RALGAPA1: variants seen among roughly 807,000 people sequenced by gnomAD.
The protein encoded by RALGAPA1 is Ral GTPase activating protein catalytic subunit alpha 1, also known as ral GTPase-activating protein subunit alpha-1.
Under a neutral mutation model 269.6 loss-of-function variants are expected in RALGAPA1, and 52 were observed. That is an observed-to-expected ratio of 0.19 (90% CI 0.15 to 0.24). The LOEUF is 0.24. Ranked by LOEUF, RALGAPA1 falls within the 10% of genes least tolerant of loss-of-function variation. The pLI, the probability that RALGAPA1 is intolerant of heterozygous loss-of-function variation, is 1.00. For missense variants in RALGAPA1, 1,917 were observed against 3,013.9 expected, an observed-to-expected ratio of 0.64 and a Z score of 8.52; for synonymous variants, 817 against 1,008.3, an observed-to-expected ratio of 0.81 and a Z score of 3.60.
chr14:35,764,507 G>A (rs1424532789), intron 4 of RALGAPA1, among the ~76,000 whole-genome samples: 2 of 151,814 alleles, frequency 1.3e-5, no homozygotes, highest in Non-Finnish European at 2.9e-5. Context: ...GTGGGGAGGT[G>A]GTATCTTCTG....
intron 26 of RALGAPA1, 101 bp from the exon 27 acceptor site, chr14:35,664,868 C>G (rs1469672389): frequency 1.8e-5 from 18 of 1,025,206 alleles, no homozygotes; most frequent in Non-Finnish European, 2.3e-5. Flanking sequence ...GGAAGTGATA[C>G]ATAAAACAAA....
intron 16 of RALGAPA1, among the ~76,000 whole-genome samples, chr14:35,710,716 A>G (rs2068250591): frequency 1.3e-5 from 2 of 152,190 alleles, no homozygotes; most frequent in Non-Finnish European, 2.9e-5. Context: ...TTTTTACTGT[A>G]GATTTTACAT....
At chr14:35,620,675 A>G (rs951021755) in intron 35 of RALGAPA1, among the ~76,000 whole-genome samples, 2 of 152,254 alleles carry the variant, frequency 1.3e-5, no homozygotes, top group Non-Finnish European at 2.9e-5. Context: ...CTCAGGATAC[A>G]AAATCAATGT....
intron 35 of RALGAPA1, among the ~76,000 whole-genome samples, chr14:35,609,492 T>C (rs1490133073): frequency 6.6e-6 from 1 of 151,960 alleles, no homozygotes; most frequent in Non-Finnish European, 1.5e-5. Context: ...TGAATGAAAA[T>C]ATGGCCTGTA....
At chr14:35,677,654 G>A (rs554224591) in intron 22 of RALGAPA1, 2 of 290,288 alleles carry the variant, frequency 6.9e-6, no homozygotes, top group East Asian at 2.5e-4. Flanking sequence ...GCCAAATTAT[G>A]TATTTCCTGT....
intron 39 of RALGAPA1, among the ~76,000 whole-genome samples, chr14:35,555,276 T>C (rs942050666): frequency 2.6e-5 from 4 of 152,216 alleles, no homozygotes; most frequent in Non-Finnish European, 5.9e-5. Context: ...AGCATTGAAA[T>C]AAACATTTCC....
chr14:35,645,329 TAGCAGATATAG>T (rs2062334956), intron 31 of RALGAPA1, among the ~76,000 whole-genome samples: 1 of 142,414 alleles, frequency 7.0e-6, no homozygotes, highest in Non-Finnish European at 1.5e-5. Context: ...ATTCAGTCTA[TAGCAGATATAG>T]AGATGGGTGT....
intron 39 of RALGAPA1, among the ~76,000 whole-genome samples, chr14:35,550,703 T>G (rs1392192492): frequency 2.0e-5 from 3 of 152,172 alleles, no homozygotes; most frequent in Non-Finnish European, 4.4e-5. Flanking sequence ...ATATTACAAT[T>G]TATCTGCTTC....
intron 9 of RALGAPA1, 108 bp from the exon 10 acceptor site, chr14:35,748,932 G>C: frequency 7.1e-7 from 1 of 1,404,090 alleles, no homozygotes; most frequent in East Asian, 2.6e-5. Flanking sequence ...CATTTCCCAA[G>C]TAATTTATAC....
chr14:35,583,113 G>A (rs2058056626), intron 37 of RALGAPA1, among the ~76,000 whole-genome samples: 1 of 152,172 alleles, frequency 6.6e-6, no homozygotes, highest in Non-Finnish European at 1.5e-5. Flanking sequence ...AACAGAATAA[G>A]CACCAGAGTC....
At chr14:35,577,596 A>G (rs1159108709) in intron 37 of RALGAPA1, among the ~76,000 whole-genome samples, 1 of 152,120 alleles carries the variant, frequency 6.6e-6, no homozygotes, top group Non-Finnish European at 1.5e-5. Flanking sequence ...TATTTTTGTT[A>G]TATCAGCCTG....
intron 39 of RALGAPA1, among the ~76,000 whole-genome samples, chr14:35,561,544 T>C (rs1361855847): frequency 7.0e-6 from 1 of 143,372 alleles, no homozygotes; most frequent in African/African-American, 2.7e-5. Context: ...AGACAGAGTC[T>C]TACACTGTTG....
chr14:35,629,568 A>G (rs1471900094), intron 33 of RALGAPA1, among the ~76,000 whole-genome samples: 3 of 152,116 alleles, frequency 2.0e-5, no homozygotes, highest in Admixed American at 6.5e-5. Context: ...CAGTGGCGCA[A>G]TCTTGGCTCA....
At chr14:35,706,347 T>C (rs1170259087) in intron 16 of RALGAPA1, among the ~76,000 whole-genome samples, 1 of 152,174 alleles carries the variant, frequency 6.6e-6, no homozygotes, top group East Asian at 1.9e-4. Context: ...TTTTTTGGCA[T>C]GTGGATGTCC....
intron 29 of RALGAPA1, 116 bp from the exon 30 acceptor site, chr14:35,654,593 T>C: frequency 1.6e-6 from 2 of 1,227,394 alleles, no homozygotes; most frequent in Non-Finnish European, 2.2e-6. Context: ...CCTACATTTA[T>C]AGGTGATTAA....
chr14:35,635,622 T>C (rs779082215), intron 31 of RALGAPA1, 24 bp from the exon 32 acceptor site: 2 of 1,512,682 alleles, frequency 1.3e-6, no homozygotes, highest in Admixed American at 2.3e-5. Flanking sequence ...AGAATCATTA[T>C]AATTGTACAT....
chr14:35,614,052 G>A (rs1351819860), intron 35 of RALGAPA1, among the ~76,000 whole-genome samples: 2 of 152,070 alleles, frequency 1.3e-5, no homozygotes, highest in Non-Finnish European at 2.9e-5. Context: ...CCACTAAGAC[G>A]AGTATAATAA....
At chr14:35,656,787 A>G (rs2063202566) in intron 28 of RALGAPA1, among the ~76,000 whole-genome samples, 1 of 152,144 alleles carries the variant, frequency 6.6e-6, no homozygotes, top group Admixed American at 6.5e-5. Context: ...TTTACTATGA[A>G]AATTACCTGA....
chr14:35,672,821 A>G, intron 25 of RALGAPA1, 46 bp downstream of exon 25: 3 of 1,418,480 alleles, frequency 2.1e-6, no homozygotes, highest in Non-Finnish European at 2.8e-6. Context: ...ATCAAAGATA[A>G]TATGATATAA....
Sources: allele counts gnomAD v4.1 joint callset (sites outside exome capture counted in the v4.1 genomes callset), GRCh38; gene constraint gnomAD v4.1.1; transcripts MANE v1.5; gene names NCBI Gene and HGNC (gene_info 2026-07-23, HGNC 2026-07-21).